ADAMTS19: variants seen among roughly 807,000 people sequenced by gnomAD.
ADAMTS19 encodes the protein ADAM metallopeptidase with thrombospondin type 1 motif 19.
Under a neutral mutation model 153.3 loss-of-function variants are expected in ADAMTS19, and 93 were observed. The ratio of observed to expected loss-of-function variants is 0.61; its 90% CI spans 0.51 to 0.72. ADAMTS19 has a LOEUF of 0.72. Ranked by LOEUF, ADAMTS19 falls within the 30% of genes least tolerant of loss-of-function variation. The pLI is 0.00. For synonymous variants in ADAMTS19, 600 were observed against 556.6 expected (o/e 1.08, Z -1.10); for missense variants, 1,482 against 1,552.1 (o/e 0.95, Z 0.76).
At chr5:129,624,983 C>T (rs966019764) in intron 10 of ADAMTS19, among the ~76,000 whole-genome samples, 1 of 151,880 alleles carries the variant, frequency 6.6e-6, no homozygotes, top group African/African-American at 2.4e-5. Context: ...TGTCCTTCCC[C>T]CATCCCCCCA....
intron 3 of ADAMTS19, among the ~76,000 whole-genome samples, chr5:129,512,830 T>C (rs928974414): frequency 6.6e-6 from 1 of 152,072 alleles, no homozygotes; most frequent in African/African-American, 2.4e-5. Context: ...TTCTTACATC[T>C]CCATCTCTGT....
At chr5:129,534,431 A>C (rs1752336058) in intron 6 of ADAMTS19, among the ~76,000 whole-genome samples, 2 of 152,316 alleles carry the variant, frequency 1.3e-5, no homozygotes, top group Admixed American at 1.3e-4. Context: ...GGCAATAATT[A>C]ATAGCTTACC....
chr5:129,546,336 T>C (rs1194688466), intron 6 of ADAMTS19, among the ~76,000 whole-genome samples: 2 of 150,476 alleles, frequency 1.3e-5, no homozygotes, highest in Non-Finnish European at 2.9e-5. Context: ...TGTATACATA[T>C]GTAACTAACC....
At chr5:129,734,053 G>A (rs1757562384) in intron 21 of ADAMTS19, among the ~76,000 whole-genome samples, 1 of 151,760 alleles carries the variant, frequency 6.6e-6, no homozygotes, top group South Asian at 2.1e-4. Context: ...TGGAGCTGGA[G>A]GCCATTATCC....
At chr5:129,715,478 A>G (rs1379743279) in intron 21 of ADAMTS19, among the ~76,000 whole-genome samples, 1 of 152,228 alleles carries the variant, frequency 6.6e-6, no homozygotes, top group Non-Finnish European at 1.5e-5. Context: ...GAATAGTGTC[A>G]CATACACAGT....
intron 10 of ADAMTS19, among the ~76,000 whole-genome samples, chr5:129,624,280 C>T (rs1751924002): frequency 2.0e-5 from 3 of 151,878 alleles, no homozygotes; most frequent in Non-Finnish European, 4.4e-5. Flanking sequence ...ACAATTATGA[C>T]ATTGGTTCTG....
intron 15 of ADAMTS19, among the ~76,000 whole-genome samples, chr5:129,663,020 GAGT>G (rs1753884685): frequency 6.7e-6 from 1 of 149,150 alleles, no homozygotes; most frequent in South Asian, 2.1e-4. Flanking sequence ...TCAGCCTCCT[GAGT>G]AGTTGGGACT....
At chr5:129,476,673 TC>T (rs1468645579) in intron 2 of ADAMTS19, among the ~76,000 whole-genome samples, 1 of 152,168 alleles carries the variant, frequency 6.6e-6, no homozygotes, top group Non-Finnish European at 1.5e-5. Context: ...TCAAGAGTTG[TC>T]TCCAGACCAC....
intron 21 of ADAMTS19, among the ~76,000 whole-genome samples, chr5:129,722,583 G>A (rs1176574878): frequency 6.6e-6 from 1 of 152,146 alleles, no homozygotes; most frequent in Non-Finnish European, 1.5e-5. Flanking sequence ...TTGCTGTGCA[G>A]AAGCTCTTTA....
chr5:129,608,116 G>GTGTGTATATATATATATATATATATA (rs377008786), intron 8 of ADAMTS19, among the ~76,000 whole-genome samples: 47 of 47,882 alleles, frequency 9.8e-4, no homozygotes, highest in Non-Finnish European at 1.8e-3. Context: ...GTGTGTGTGT[G>GTGTGTATATATATATATATATATATA]TATATATATA....
chr5:129,684,958 G>A (rs1755012382), intron 18 of ADAMTS19, among the ~76,000 whole-genome samples: 1 of 148,760 alleles, frequency 6.7e-6, no homozygotes, highest in Admixed American at 6.7e-5. Flanking sequence ...CTGCACTCCA[G>A]CCTCAGTGGC....
chr5:129,521,835 G>A (rs1435759389), intron 3 of ADAMTS19, among the ~76,000 whole-genome samples: 1 of 152,124 alleles, frequency 6.6e-6, no homozygotes, highest in Non-Finnish European at 1.5e-5. Context: ...TAACCAAAAA[G>A]CAGTGGTTGA....
rs535714719 is a variant in ADAMTS19, at chr5:129,531,704, T to G, written c.1328+3027T>G. On this transcript the variant is annotated intron_variant, in intron 6 of 22. Transcript: ENST00000274487. ...GAATGAAAATGTTTATATATATATA[T>G]GTATGTATATGAACAAATTGGATGG... Among the ~76,000 whole-genome samples the G allele has an allele frequency of 2.1e-3, 323 of 152,192 alleles. 1 individual carries two copies. Among genetic ancestry groups the G allele is most frequent in the African/African-American group, 7.2e-3 (300 of 41,508 alleles).
chr5:129,641,923 AC>A lies in ADAMTS19; in HGVS notation c.1838del (p.Pro613HisfsTer57). On this transcript the variant is annotated frameshift_variant, in exon 11 of 23. Transcript: ENST00000274487. LOFTEE classifies it high-confidence loss of function. ...GAGAAAGAATGCAGAACCAAGCTAGACCCACCAATGGATGGAACTGACTGTG... is the reference window on the plus strand; with the variant it reads ...GAGAAAGAATGCAGAACCAAGCTAGACCACCAATGGATGGAACTGACTGTG... ...EGEKECRTKL[D>X]PPMDGTDCDL... 1.2e-6 allele frequency: 2 copies of A among 1,604,180 alleles called. No individual in the cohort carries two copies. The highest frequency in any genetic ancestry group is 1.7e-6 in the Non-Finnish European group (2 of 1,174,412).
intron 7 of ADAMTS19, among the ~76,000 whole-genome samples, chr5:129,558,899 A>G (rs982889190): frequency 2.2e-5 from 3 of 134,166 alleles, no homozygotes; most frequent in African/African-American, 8.7e-5. Context: ...TTAAATTTGC[A>G]AAAACAGGAG....
chr5:129,576,586 CTTT>C (rs79974624), intron 7 of ADAMTS19, among the ~76,000 whole-genome samples: 2 of 140,704 alleles, frequency 1.4e-5, no homozygotes. Context: ...TTGCTTTATT[CTTT>C]TTTTTTTTTT....
chr5:129,684,424 C>A, intron 18 of ADAMTS19, 151 bp downstream of exon 18: 1 of 969,892 alleles, frequency 1.0e-6, no homozygotes, highest in Non-Finnish European at 1.5e-6. Context: ...TGTTTAGTGG[C>A]TAAACACCTG....
Position 129,608,114 on chromosome 5 carries a change from G to GTATATATATATATATATATA in ADAMTS19, c.1478+11451_1478+11452insATATATATATATATATATAT, listed in dbSNP as rs1235116462. 2.6e-3 allele frequency among the ~76,000 whole-genome samples: 75 copies of GTATATATATATATATATATA among 28,716 alleles called. 1 individual carries two copies. The highest frequency in any genetic ancestry group is 4.6e-3 in the African/African-American group (67 of 14,636). The allele number at this position is 28,716 out of a possible 152,430, so 18.8% of individuals were successfully genotyped here. A position where few individuals can be genotyped will look rare whatever the true frequency, so the allele number is the denominator to read the frequency against. On this transcript the variant is annotated intron_variant, in intron 8 of 22. Transcript: ENST00000274487. ...TATGTGTGTGTGTGTGTGTGTGTGT[G>GTATATATATATATATATATA]TGTATATATATATATATATATATAT... is the stretch of plus-strand genomic sequence containing the variant.
Position 129,684,193 on chromosome 5 carries a change from A to G in ADAMTS19, c.2738A>G (p.Asn913Ser), listed in dbSNP as rs1163577497. 2.5e-6 allele frequency: 4 copies of G among 1,614,148 alleles called. No individual in the cohort carries two copies. The East Asian group carries it at 8.9e-5, about 36-fold the overall frequency. Residue 913 changes from asparagine (N) to serine (S), a missense_variant, in exon 18 of 23, where the codon AAC (asparagine) becomes AGC (serine). By Grantham distance (46) the Asn-to-Ser change is conservative (BLOSUM62 1). Coordinates refer to ENST00000274487, the MANE Select transcript of ADAMTS19 (RefSeq NM_133638.6). The stretch of plus-strand genomic sequence containing the variant: ...ATCCCATCAGACCCTCTTCCAGAAA[A>G]CCAGAGCTCTAAAGCACCTGAGCCC... Reference protein sequence around the residue: ...YTIPSDPLPENQSSKAPEPLF... With the variant: ...YTIPSDPLPESQSSKAPEPLF...
Sources: gnomAD v4.1 joint callset for allele counts (sites outside exome capture counted in the v4.1 genomes callset) on GRCh38, gnomAD v4.1.1 for gene constraint, MANE v1.5 for transcripts, NCBI Gene and HGNC (gene_info 2026-07-23, HGNC 2026-07-21) for gene names.